FBXL7: variants seen among roughly 807,000 people sequenced by gnomAD.
The protein encoded by FBXL7 is F-box and leucine rich repeat protein 7, also known as F-box/LRR-repeat protein 7.
A neutral mutation model predicts 38.3 loss-of-function variants in FBXL7; 12 were observed. The ratio of observed to expected loss-of-function variants is 0.31; its 90% CI spans 0.20 to 0.51. The LOEUF is 0.51. Among genes scored for constraint, FBXL7 ranks in the 20% least tolerant of loss-of-function variants. FBXL7 has a pLI of 0.98. For missense variants in FBXL7, 567 were observed against 676.4 expected (o/e 0.84, Z 1.79); for synonymous variants, 297 against 300.9 (o/e 0.99, Z 0.13).
chr5:15,896,697 C>G (rs1741111488), intron 2 of FBXL7, among the ~76,000 whole-genome samples: 2 of 152,088 alleles, frequency 1.3e-5, no homozygotes, highest in South Asian at 4.1e-4. Context: ...AACCAGCAGT[C>G]CTATCCCAGG....
At chr5:15,675,649 T>C (rs1435851750) in intron 2 of FBXL7, among the ~76,000 whole-genome samples, 2 of 152,242 alleles carry the variant, frequency 1.3e-5, no homozygotes, top group Non-Finnish European at 2.9e-5. Flanking sequence ...ATCACAGATT[T>C]GTTGGATTAA....
chr5:15,611,323 T>G (rs1419965608), intron 1 of FBXL7, among the ~76,000 whole-genome samples: 1 of 151,828 alleles, frequency 6.6e-6, no homozygotes, highest in Non-Finnish European at 1.5e-5. Context: ...TTTTTTTTTT[T>G]TTTTTGCTTT....
intron 2 of FBXL7, among the ~76,000 whole-genome samples, chr5:15,659,528 G>T (rs1288492920): frequency 6.6e-6 from 1 of 152,040 alleles, no homozygotes; most frequent in African/African-American, 2.4e-5. Context: ...CATTCATAAG[G>T]ACTTATCTAA....
chr5:15,746,572 C>G (rs186403535), intron 2 of FBXL7, among the ~76,000 whole-genome samples: 1 of 150,520 alleles, frequency 6.6e-6, no homozygotes, highest in East Asian at 2.0e-4. Context: ...GGTCGCTAAT[C>G]TCATTCATGA....
At chr5:15,788,912 G>A (rs1737202499) in intron 2 of FBXL7, among the ~76,000 whole-genome samples, 1 of 149,252 alleles carries the variant, frequency 6.7e-6, no homozygotes, top group Non-Finnish European at 1.5e-5. Context: ...GTACAGTGGT[G>A]TGATCTCGGC....
At chr5:15,623,738 T>C (rs1740723463) in intron 2 of FBXL7, among the ~76,000 whole-genome samples, 1 of 152,222 alleles carries the variant, frequency 6.6e-6, no homozygotes, top group African/African-American at 2.4e-5. Flanking sequence ...TTCAAAACTC[T>C]ACAACAATTC....
intron 2 of FBXL7, among the ~76,000 whole-genome samples, chr5:15,747,659 T>C (rs1736049382): frequency 6.6e-6 from 1 of 152,200 alleles, no homozygotes; most frequent in Non-Finnish European, 1.5e-5. Context: ...GGAAAAAATA[T>C]CTATGCACAA....
Position 15,928,005 on chromosome 5 carries a change from C to T in FBXL7, c.243C>T (p.Thr81=), listed in dbSNP as rs770680382. The T allele has an allele frequency of 1.0e-5, 16 of 1,603,782 alleles. No homozygotes were observed. The African/African-American group carries it at 1.7e-4, about 17-fold the overall frequency. ...RGSSTSSSSI[T]GETVAMVHSP... is the part of the protein sequence containing the mutation. Reference sequence around the variant, plus strand: ...CGTCCACCTCCTCGTCCTCCATCACCGGGGAGACGGTGGCCATGGTGCACT... The same window carrying T: ...CGTCCACCTCCTCGTCCTCCATCACTGGGGAGACGGTGGCCATGGTGCACT... The change falls in exon 3 of 4, where the codon ACC becomes ACT. Residue 81 remains threonine, a synonymous_variant. Coordinates refer to ENST00000504595, the MANE Select transcript of FBXL7 (RefSeq NM_012304.5). This position sits in a 1 kb window ranked among gnomAD's most constrained non-coding sequence, Gnocchi z 4.0.
At chr5:15,574,280 G>T (rs1322229947) in intron 1 of FBXL7, among the ~76,000 whole-genome samples, 1 of 152,158 alleles carries the variant, frequency 6.6e-6, no homozygotes, top group Non-Finnish European at 1.5e-5. Context: ...CACTGTAAAA[G>T]TGCAGATAGA....
At chr5:15,616,313 G>C (rs1205886633) in intron 2 of FBXL7, among the ~76,000 whole-genome samples, 1 of 152,118 alleles carries the variant, frequency 6.6e-6, no homozygotes, top group African/African-American at 2.4e-5. Context: ...ATGTTGTTTT[G>C]TGAAAATGGA....
chr5:15,799,653 C>T (rs529339416), intron 2 of FBXL7, among the ~76,000 whole-genome samples: 15 of 152,292 alleles, frequency 9.8e-5, no homozygotes, highest in Admixed American at 2.6e-4. Context: ...TGAGCCACCA[C>T]GCCCTGCCAA....
intron 2 of FBXL7, among the ~76,000 whole-genome samples, chr5:15,673,124 T>G (rs966662245): frequency 6.6e-6 from 1 of 152,026 alleles, no homozygotes; most frequent in East Asian, 2.0e-4. Context: ...GAGACCAGCC[T>G]GGCCAACATG....
rs189077875 is a variant in FBXL7, at chr5:15,931,323, G to A, written c.739+2822G>A. Among the ~76,000 whole-genome samples the A allele has an allele frequency of 6.7e-3, 1,025 of 152,260 alleles. 5 individuals carry two copies. The highest frequency in any genetic ancestry group is 9.2e-3 in the Non-Finnish European group (623 of 68,010). Reference sequence around the variant, plus strand: ...TCAACCAATTTTCAAAATATAAAATGTGGTAAATGTTAAAAATAATATTGC... The same window carrying A: ...TCAACCAATTTTCAAAATATAAAATATGGTAAATGTTAAAAATAATATTGC... On this transcript the variant is annotated intron_variant, in intron 3 of 3. Coordinates refer to ENST00000504595, the MANE Select transcript of FBXL7 (RefSeq NM_012304.5).
At chr5:15,784,500 G>A (rs1287272472) in intron 2 of FBXL7, among the ~76,000 whole-genome samples, 1 of 151,912 alleles carries the variant, frequency 6.6e-6, no homozygotes, top group Admixed American at 6.6e-5. Flanking sequence ...TTGGATATTT[G>A]TCCTGCCCAA....
intron 2 of FBXL7, among the ~76,000 whole-genome samples, chr5:15,841,849 C>G (rs1738753907): frequency 6.6e-6 from 1 of 152,178 alleles, no homozygotes; most frequent in South Asian, 2.1e-4. Context: ...GCACACATAT[C>G]AAGAATTGAG....
intron 2 of FBXL7, among the ~76,000 whole-genome samples, chr5:15,790,157 T>G (rs16867732): frequency 0.01 from 1,533 of 152,320 alleles, 23 homozygotes; most frequent in African/African-American, 0.035. Flanking sequence ...TTTATGTTGT[T>G]ACAGTCAATC....
At chr5:15,711,693 A>T (rs547728411) in intron 2 of FBXL7, among the ~76,000 whole-genome samples, 1 of 152,310 alleles carries the variant, frequency 6.6e-6, no homozygotes, top group Non-Finnish European at 1.5e-5. Context: ...ATCCCAAAAG[A>T]CACCATCCTG....
intron 2 of FBXL7, among the ~76,000 whole-genome samples, chr5:15,636,809 G>T (rs1741201074): frequency 6.6e-6 from 1 of 151,206 alleles, no homozygotes; most frequent in Non-Finnish European, 1.5e-5. Flanking sequence ...GTTAAAATAT[G>T]CTTTTATTTT....
intron 1 of FBXL7, among the ~76,000 whole-genome samples, chr5:15,561,301 A>C (rs1187442208): frequency 1.3e-5 from 2 of 152,144 alleles, no homozygotes; most frequent in African/African-American, 4.8e-5. Flanking sequence ...TTCCACATGT[A>C]AGTGAGATCA....
Sources: allele counts gnomAD v4.1 joint callset (sites outside exome capture counted in the v4.1 genomes callset), GRCh38; gene constraint gnomAD v4.1.1; non-coding constraint Gnocchi (gnomAD v3.1); transcripts MANE v1.5; gene names NCBI Gene and HGNC (gene_info 2026-07-23, HGNC 2026-07-21).